Variants in KATNIP observed in about 807,000 individuals in gnomAD.
The protein encoded by KATNIP is katanin interacting protein, also known as katanin-interacting protein.
KATNIP carries 126 observed loss-of-function variants against 174.0 expected under a neutral mutation model. That is an observed-to-expected ratio of 0.72 (90% CI 0.63 to 0.84). KATNIP has a LOEUF of 0.84. Among genes scored for constraint, KATNIP ranks in the 40% least tolerant of loss-of-function variants. The pLI, the probability that KATNIP is intolerant of heterozygous loss-of-function variation, is 0.00. For synonymous variants in KATNIP, 810 were observed against 835.7 expected (o/e 0.97, Z 0.53); for missense variants, 1,958 against 2,109.7 (o/e 0.93, Z 1.41).
At chr16:27,667,648 C>A (rs1162207159) in intron 6 of KATNIP, among the ~76,000 whole-genome samples, 1 of 152,136 alleles carries the variant, frequency 6.6e-6, no homozygotes, top group Non-Finnish European at 1.5e-5. Flanking sequence ...GCTGCTAGCT[C>A]TTGAGGACTG....
chr16:27,554,975 G>T (rs933067933), intron 1 of KATNIP, among the ~76,000 whole-genome samples: 4 of 151,284 alleles, frequency 2.6e-5, no homozygotes, highest in Non-Finnish European at 5.9e-5. Flanking sequence ...TTTGTTTTTT[G>T]TTAGTAGAGA....
At chr16:27,773,454 A>G (rs2082383652) in intron 23 of KATNIP, among the ~76,000 whole-genome samples, 3 of 152,196 alleles carry the variant, frequency 2.0e-5, no homozygotes, top group African/African-American at 7.2e-5. Flanking sequence ...CAGTGAATTG[A>G]GAGAGGCTGC....
chr16:27,647,889 G>A (rs1166683481), intron 5 of KATNIP, among the ~76,000 whole-genome samples: 1 of 152,152 alleles, frequency 6.6e-6, no homozygotes, highest in Non-Finnish European at 1.5e-5. Context: ...GGCCTCAAGT[G>A]ATCCTCCTGC....
chr16:27,772,158 A>C (rs978569161), intron 22 of KATNIP, among the ~76,000 whole-genome samples: 1 of 152,164 alleles, frequency 6.6e-6, no homozygotes, highest in African/African-American at 2.4e-5. Context: ...CCATAGTCCA[A>C]GCTACTTGGA....
chr16:27,596,325 A>G (rs2075334872), intron 2 of KATNIP, among the ~76,000 whole-genome samples: 1 of 152,100 alleles, frequency 6.6e-6, no homozygotes, highest in Non-Finnish European at 1.5e-5. Context: ...AGAGAAAAAA[A>G]ACAAGACCTC....
intron 1 of KATNIP, among the ~76,000 whole-genome samples, chr16:27,564,010 C>T (rs1210381910): frequency 6.6e-6 from 1 of 150,914 alleles, no homozygotes; most frequent in Non-Finnish European, 1.5e-5. Context: ...CTGCAGTGAG[C>T]CATGATCATG....
chr16:27,653,534 G>A (rs1164661320), intron 6 of KATNIP, among the ~76,000 whole-genome samples: 1 of 152,034 alleles, frequency 6.6e-6, no homozygotes, highest in Non-Finnish European at 1.5e-5. Context: ...CAGGAACTTA[G>A]GGCAGTTCCT....
In KATNIP at chr16:27,701,595, C is replaced by G; in HGVS notation, c.1186C>G (p.Pro396Ala). Reference protein sequence around the residue: ...EEKEETLELLPITTATTTQEP... With the variant: ...EEKEETLELLAITTATTTQEP... ...TAAGCCTTTCCATCCTCAGCTGCTT[C>G]CCATCACCACGGCGACTACTACTCA... Residue 396 changes from proline (P) to alanine (A), a missense_variant, in exon 11 of 28, where the codon CCC becomes GCC. By Grantham distance (27) the Pro-to-Ala change is conservative. This residue lies in a region of KATNIP where 1,557 missense variants were observed against 1,617.8 expected (regional missense o/e 0.96). Coordinates refer to ENST00000261588, the MANE Select transcript of KATNIP (RefSeq NM_015202.5). The G allele has an allele frequency of 1.9e-6, 3 of 1,590,524 alleles. No homozygotes were observed. Among genetic ancestry groups the G allele is most frequent in the Non-Finnish European group, 2.6e-6 (3 of 1,168,380 alleles).
At position 27,779,035 on chromosome 16, in the gene KATNIP, A is replaced by G; in HGVS notation, c.*406A>G. The G allele has an allele frequency of 5.7e-6, 1 of 176,086 alleles. No homozygotes were observed. The highest frequency in any genetic ancestry group is 2.4e-5 in the African/African-American group (1 of 42,460). The allele number at this position is 176,086 out of a possible 1,614,324, so 10.9% of individuals were successfully genotyped here. A position where few individuals can be genotyped will look rare whatever the true frequency, so the allele number is the denominator to read the frequency against. On this transcript the variant is annotated 3_prime_UTR_variant, in exon 28 of 28. Transcript: ENST00000261588. ...GCTGAGCAGGACAGTGGGAGACCAGACCCTACCCCGCAACTCCAGTAAGCA... is the reference window on the plus strand; with the variant it reads ...GCTGAGCAGGACAGTGGGAGACCAGGCCCTACCCCGCAACTCCAGTAAGCA...
chr16:27,564,504 T>C (rs1250991697), intron 1 of KATNIP, among the ~76,000 whole-genome samples: 2 of 152,226 alleles, frequency 1.3e-5, no homozygotes, highest in East Asian at 3.9e-4. Context: ...TAAGCATTTC[T>C]GTATGCCAGC....
At chr16:27,561,920 T>C (rs759124099) in intron 1 of KATNIP, among the ~76,000 whole-genome samples, 1 of 152,252 alleles carries the variant, frequency 6.6e-6, no homozygotes, top group Non-Finnish European at 1.5e-5. Flanking sequence ...ATGACTGTCC[T>C]GGCCAGAGTT....
chr16:27,754,247 A>G lies in KATNIP; in HGVS notation c.3627A>G (p.Gly1209=). 6.2e-7 allele frequency: 1 copy of G among 1,613,600 alleles called. No homozygotes were observed. Among genetic ancestry groups the G allele is most frequent in the South Asian group, 1.1e-5 (1 of 91,076 alleles). The part of the protein sequence containing the change: ...VTTPEPGIYH[G]ICLQLNFTAS... ...CGCCAGAGCCAGGCATCTACCACGG[A>G]ATCTGTGAGTAGCTCTCCTGGAGCA... Residue 1209 remains glycine (G), a synonymous_variant, in exon 18 of 28, where the codon GGA becomes GGG. Transcript: ENST00000261588.
chr16:27,778,084 C>T (rs907524951), intron 27 of KATNIP, 115 bp downstream of exon 27: 17 of 892,044 alleles, frequency 1.9e-5, no homozygotes, highest in Non-Finnish European at 2.6e-5. Flanking sequence ...AGACCGCTCT[C>T]CTCTGCCCAG....
At chr16:27,602,651 A>G (rs562962629) in intron 2 of KATNIP, among the ~76,000 whole-genome samples, 1 of 152,328 alleles carries the variant, frequency 6.6e-6, no homozygotes, top group South Asian at 2.1e-4. Flanking sequence ...TGATTACTCA[A>G]ATCAGCCTTC....
intron 1 of KATNIP, among the ~76,000 whole-genome samples, chr16:27,560,251 C>A (rs1356782434): frequency 1.4e-5 from 2 of 142,716 alleles, no homozygotes; most frequent in Non-Finnish European, 3.0e-5. Context: ...CACTGCAGTC[C>A]AGCCTGGGCT....
chr16:27,567,133 A>AT (rs1216666492), intron 1 of KATNIP, among the ~76,000 whole-genome samples: 1 of 152,184 alleles, frequency 6.6e-6, no homozygotes, highest in African/African-American at 2.4e-5. Context: ...TTCCAGCAAG[A>AT]TTTGGGGTCC....
At chr16:27,721,232 C>T (rs1182863050) in intron 13 of KATNIP, among the ~76,000 whole-genome samples, 2 of 152,194 alleles carry the variant, frequency 1.3e-5, no homozygotes, top group East Asian at 1.9e-4. Flanking sequence ...TCTTTCCCCT[C>T]CCCCAGCGCT....
rs377280067 is a variant in KATNIP at position 27,766,577 on chromosome 16, T to G, written c.3975+103T>G. 4.4e-5 allele frequency: 56 copies of G among 1,263,428 alleles called. No individual in the cohort carries two copies. In the South Asian group the frequency reaches 7.7e-4, roughly 17 times the overall value. The allele number at this position is 1,263,428 out of a possible 1,614,324, so 78.3% of individuals were successfully genotyped here. Reference sequence around the variant, plus strand: ...AGAGAGGAGCATAAATCCTCCAGAATTTTCCAAACGGAGCTGGGGGCGTTA... The same window carrying G: ...AGAGAGGAGCATAAATCCTCCAGAAGTTTCCAAACGGAGCTGGGGGCGTTA... On this transcript the variant is annotated intron_variant, in intron 20 of 27. Coordinates refer to ENST00000261588, the MANE Select transcript of KATNIP (RefSeq NM_015202.5).
chr16:27,736,998 C>A (rs2080922263), intron 14 of KATNIP, among the ~76,000 whole-genome samples: 1 of 152,056 alleles, frequency 6.6e-6, no homozygotes, highest in Non-Finnish European at 1.5e-5. Context: ...GACGAGGGGA[C>A]GGCAAGCTTT....
Sources: gnomAD v4.1 joint callset for allele counts (sites outside exome capture counted in the v4.1 genomes callset) on GRCh38, gnomAD v4.1.1 for gene constraint, gnomAD v4.1.1 regional missense constraint, MANE v1.5 for transcripts, NCBI Gene and HGNC (gene_info 2026-07-23, HGNC 2026-07-21) for gene names.